FAM110B: variants seen among roughly 807,000 people sequenced by gnomAD.
The protein encoded by FAM110B is family with sequence similarity 110 member B.
Under a neutral mutation model 20.4 loss-of-function variants are expected in FAM110B, and 6 were observed. The observed-to-expected ratio is 0.29, with a 90% CI of 0.16 to 0.58. The LOEUF is 0.58. FAM110B is among the 20% of genes least tolerant of loss of function. The pLI is 0.90. For synonymous variants in FAM110B, 226 were observed against 214.1 expected (o/e 1.06, Z -0.49); for missense variants, 434 against 498.2 (o/e 0.87, Z 1.23).
chr8:58,010,001 C>G (rs186952914), intron 1 of FAM110B, among the ~76,000 whole-genome samples: 6 of 152,148 alleles, frequency 3.9e-5, no homozygotes, highest in African/African-American at 1.2e-4. Context: ...TGGTTGATGG[C>G]ACGGCTCTCT....
intron 3 of FAM110B, among the ~76,000 whole-genome samples, chr8:58,130,194 T>C (rs1803415706): frequency 6.6e-6 from 1 of 152,242 alleles, no homozygotes; most frequent in South Asian, 2.1e-4. Flanking sequence ...AATTCTAGTT[T>C]TGAACAGTTT....
At chr8:58,131,533 C>T (rs72662413) in intron 3 of FAM110B, among the ~76,000 whole-genome samples, 1 of 152,130 alleles carries the variant, frequency 6.6e-6, no homozygotes, top group African/African-American at 2.4e-5. Context: ...CCTATATCAC[C>T]GTCTCCTGTT....
chr8:58,133,118 AT>A lies in FAM110B; in HGVS notation c.-324-12783del, dbSNP rs199505964. Among the ~76,000 whole-genome samples, 1,253 of 151,608 alleles carry A rather than the reference AT, an allele frequency of 8.3e-3. 22 individuals carry two copies. Among genetic ancestry groups the A allele is most frequent in the African/African-American group, 0.029 (1,196 of 41,186 alleles). Reference sequence around the variant, plus strand: ...TTTTGCCCTCCCAGCAATGTCTGTAATTTTTTAAAGTATTGATCAGATTACT... The same window carrying A: ...TTTTGCCCTCCCAGCAATGTCTGTAATTTTTAAAGTATTGATCAGATTACT... On this transcript the variant is annotated intron_variant, in intron 3 of 3. Transcript: ENST00000519262.
chr8:58,001,635 A>C (rs1393754906), intron 1 of FAM110B, among the ~76,000 whole-genome samples: 3 of 152,308 alleles, frequency 2.0e-5, no homozygotes, highest in Non-Finnish European at 1.5e-5. Context: ...AGTGTGAAGC[A>C]TGCTGCTGTT....
intron 2 of FAM110B, among the ~76,000 whole-genome samples, chr8:58,042,222 G>A (rs1042968647): frequency 6.6e-6 from 1 of 152,142 alleles, no homozygotes; most frequent in Non-Finnish European, 1.5e-5. Context: ...TTATGATGAA[G>A]AAATTCTAAA....
intron 2 of FAM110B, among the ~76,000 whole-genome samples, chr8:58,065,154 G>A (rs1465592117): frequency 2.6e-5 from 4 of 152,160 alleles, no homozygotes; most frequent in Non-Finnish European, 4.4e-5. Flanking sequence ...AAAAACAGCA[G>A]CATGCTTTAC....
At chr8:58,080,176 A>G (rs1279244745) in intron 3 of FAM110B, among the ~76,000 whole-genome samples, 1 of 152,184 alleles carries the variant, frequency 6.6e-6, no homozygotes, top group Non-Finnish European at 1.5e-5. Flanking sequence ...CTTCTATCAA[A>G]CCTCTATCCA....
At chr8:58,126,386 G>T (rs2150630737) in intron 3 of FAM110B, among the ~76,000 whole-genome samples, 1 of 152,290 alleles carries the variant, frequency 6.6e-6, no homozygotes, top group South Asian at 2.1e-4. Context: ...TGTGGATATA[G>T]TTTTCATTTC....
chr8:58,023,940 G>A (rs543254414), intron 1 of FAM110B, among the ~76,000 whole-genome samples: 2 of 152,138 alleles, frequency 1.3e-5, no homozygotes, highest in East Asian at 1.9e-4. Flanking sequence ...GCCACCAGGT[G>A]TATTTATCTT....
intron 3 of FAM110B, among the ~76,000 whole-genome samples, chr8:58,115,233 T>C (rs2150622588): frequency 6.6e-6 from 1 of 150,874 alleles, no homozygotes; most frequent in Admixed American, 6.6e-5. Flanking sequence ...TCCTCTTCCA[T>C]ATAGTTTGTT....
intron 1 of FAM110B, among the ~76,000 whole-genome samples, chr8:58,030,679 A>G (rs553733875): frequency 2.0e-5 from 3 of 152,176 alleles, no homozygotes; most frequent in South Asian, 2.1e-4. Context: ...GAAGATATCT[A>G]TTGCAGACAG....
At chr8:58,002,272 C>T (rs181474092) in intron 1 of FAM110B, among the ~76,000 whole-genome samples, 21 of 152,312 alleles carry the variant, frequency 1.4e-4, no homozygotes, top group East Asian at 1.2e-3. Flanking sequence ...ATAAAATTAA[C>T]AATCACATAT....
Position 58,146,618 on chromosome 8 carries a change from G to T in FAM110B, c.388G>T (p.Gly130Cys), listed in dbSNP as rs142742538. The T allele has an allele frequency of 1.9e-6, 3 of 1,613,856 alleles. No homozygotes were observed. The African/African-American group carries it at 4.0e-5, about 22-fold the overall frequency. The change falls in exon 4 of 4, where the codon GGC becomes TGC. Residue 130 changes from glycine (G) to cysteine (C), a missense_variant. Coordinates refer to ENST00000519262, the MANE Select transcript of FAM110B (RefSeq NM_001377989.1). Reference sequence around the variant, plus strand: ...GAAGAACATCATCAATAGCTCCGAGGGCTCTAGCTCGGGCTCGGGGCACAA... The same window carrying T: ...GAAGAACATCATCAATAGCTCCGAGTGCTCTAGCTCGGGCTCGGGGCACAA... ...ILKNIINSSE[G>C]SSSGSGHKHS... is the part of the protein sequence containing the mutation.
At chr8:58,058,187 TA>T (rs755520452) in intron 2 of FAM110B, among the ~76,000 whole-genome samples, 24 of 152,194 alleles carry the variant, frequency 1.6e-4, no homozygotes, top group Admixed American at 4.6e-4. Context: ...ATTTAAGAAG[TA>T]GCTGGATCTT....
At chr8:58,030,058 T>C (rs998397110) in intron 1 of FAM110B, among the ~76,000 whole-genome samples, 1 of 152,226 alleles carries the variant, frequency 6.6e-6, no homozygotes, top group African/African-American at 2.4e-5. Context: ...TTGCAAAATA[T>C]TAAAATACAG....
chr8:58,135,698 A>G (rs2150637796), intron 3 of FAM110B, among the ~76,000 whole-genome samples: 1 of 152,284 alleles, frequency 6.6e-6, no homozygotes, highest in Non-Finnish European at 1.5e-5. Context: ...CTTAAAATGG[A>G]CCTTGGTAGA....
At chr8:58,121,238 C>G (rs1335757408) in intron 3 of FAM110B, among the ~76,000 whole-genome samples, 1 of 152,158 alleles carries the variant, frequency 6.6e-6, no homozygotes, top group Admixed American at 6.5e-5. Flanking sequence ...TGTCCACACG[C>G]ACCACTGTGG....
chr8:58,115,822 C>G (rs546256822), intron 3 of FAM110B, among the ~76,000 whole-genome samples: 37 of 152,206 alleles, frequency 2.4e-4, no homozygotes, highest in African/African-American at 8.9e-4. Flanking sequence ...ATAACTTAGG[C>G]TAGGAAAAAA....
At position 58,141,988 on chromosome 8, in the gene FAM110B, T is replaced by C. The variant is rs544055665; in HGVS notation, c.-324-3919T>C. On this transcript the variant is annotated intron_variant, in intron 3 of 3. Transcript: ENST00000519262. ...CCACCTCCAGGATTGCAAATGTTCT[T>C]GAGGTCTCCCCAAGGTTATAGTTCA... 1.1e-4 allele frequency among the ~76,000 whole-genome samples: 17 copies of C among 152,352 alleles called. No homozygotes were observed. The East Asian group carries it at 3.3e-3, about 29-fold the overall frequency.
Sources: allele counts gnomAD v4.1 joint callset (sites outside exome capture counted in the v4.1 genomes callset), GRCh38; gene constraint gnomAD v4.1.1; transcripts MANE v1.5; gene names NCBI Gene and HGNC (gene_info 2026-07-23, HGNC 2026-07-21).